MYPN: variants seen among roughly 807,000 people sequenced by gnomAD.
MYPN encodes myopalladin, also known as sarcomeric protein myopalladin, 145 kDa (MYOP).
A neutral mutation model predicts 129.4 loss-of-function variants in MYPN; 63 were observed. The ratio of observed to expected loss-of-function variants is 0.49; its 90% CI spans 0.40 to 0.60. MYPN has a LOEUF of 0.60. Ranked by LOEUF, MYPN falls within the 20% of genes least tolerant of loss-of-function variation. The pLI is 0.00. For missense variants in MYPN, 1,596 were observed against 1,635.4 expected, an observed-to-expected ratio of 0.98 and a Z score of 0.42; for synonymous variants, 629 against 600.9, an observed-to-expected ratio of 1.05 and a Z score of -0.68.
At chr10:68,143,531 G>A (rs1460040580) in intron 3 of MYPN, among the ~76,000 whole-genome samples, 2 of 152,096 alleles carry the variant, frequency 1.3e-5, no homozygotes, top group African/African-American at 4.8e-5. Context: ...TTAAGACACA[G>A]ATATGAGCCA....
At chr10:68,109,436 G>A (rs530712281), upstream of MYPN, 231 of 447,326 alleles carry the variant, frequency 5.2e-4, 1 homozygote, top group Non-Finnish European at 9.5e-4. Flanking sequence ...CAATCAGGTG[G>A]AATGTTTCAC....
rs1285010821 is a variant in MYPN at position 68,182,495 on chromosome 10, C to T, written c.2704-6410C>T. Among the ~76,000 whole-genome samples the T allele has an allele frequency of 1.3e-4, 19 of 142,306 alleles. 1 individual carries two copies. Among genetic ancestry groups the T allele is most frequent in the Non-Finnish European group, 2.4e-4 (16 of 65,844 alleles). The allele number at this position is 142,306 out of a possible 152,430, so 93.4% of individuals were successfully genotyped here. A position where few individuals can be genotyped will look rare whatever the true frequency, so the allele number is the denominator to read the frequency against. On this transcript the variant is annotated intron_variant, in intron 12 of 19. Transcript: ENST00000358913. Reference sequence around the variant, plus strand: ...ATACACACACACACACACACACACACACATATATATATATGGCATTTTTTT... The same window carrying T: ...ATACACACACACACACACACACACATACATATATATATATGGCATTTTTTT...
chr10:68,093,290 C>G lies in MYPN; in HGVS notation c.-2+5298C>G, dbSNP rs1308807025. Among the ~76,000 whole-genome samples the G allele has an allele frequency of 2.0e-5, 3 of 152,170 alleles. No homozygotes were observed. In the East Asian group the frequency reaches 5.8e-4, roughly 29 times the overall value. ...TTCATTATATTTGCTCTTAAGTATT[C>G]TAAAATGGCTTAAAATTCTTGACAA... On this transcript the variant is annotated intron_variant, in intron 1 of 6. Coordinates refer to the MYPN transcript ENST00000685154.
At chr10:68,206,544 A>T (rs1410772003) in intron 18 of MYPN, among the ~76,000 whole-genome samples, 1 of 152,132 alleles carries the variant, frequency 6.6e-6, no homozygotes, top group African/African-American at 2.4e-5. Context: ...GCGCAACTTC[A>T]GTGGACTTGC....
intron 1 of MYPN, among the ~76,000 whole-genome samples, chr10:68,090,736 A>C (rs939344809): frequency 1.3e-5 from 2 of 152,126 alleles, no homozygotes; most frequent in African/African-American, 4.8e-5. Flanking sequence ...AAACTCCATT[A>C]TGTCTCCAAG....
chr10:68,207,006 C>T (rs1425000263), intron 19 of MYPN, 103 bp downstream of exon 19: 7 of 1,458,210 alleles, frequency 4.8e-6, no homozygotes, highest in Non-Finnish European at 6.6e-6. Flanking sequence ...GCCTGTAATC[C>T]CAGCACTTTG....
chr10:68,194,493 T>C lies in MYPN; in HGVS notation c.3056T>C (p.Ile1019Thr). 2 of 1,613,788 alleles carry C rather than the reference T, an allele frequency of 1.2e-6. No individual in the cohort carries two copies. Among genetic ancestry groups the C allele is most frequent in the Non-Finnish European group, 1.7e-6 (2 of 1,179,828 alleles). ...AGTGATGACGATGGCAACTACACCA[T>C]CATGGCAGCCAACCCCCAGGTGGAG... The part of the protein sequence containing the change: ...TTSDDDGNYT[I>T]MAANPQGRIS... Residue 1019 changes from isoleucine (I) to threonine (T), a missense_variant, in exon 14 of 20, where the codon ATC becomes ACC. Ile to Thr is a moderately conservative substitution (Grantham distance 89). Coordinates refer to ENST00000358913, the MANE Select transcript of MYPN (RefSeq NM_032578.4).
chr10:68,166,642 C>T lies in MYPN; in HGVS notation c.1949C>T (p.Pro650Leu). 1 of 1,614,038 alleles carries T rather than the reference C, an allele frequency of 6.2e-7. No individual in the cohort carries two copies. ...CCTTCTTCCCCCGTGAAAGAGCCCC[C>T]TCCAGTTCTGGCCAAACCCAAACTG... ...PEPSSPVKEP[P>L]PVLAKPKLDS... is the part of the protein sequence containing the mutation. The change falls in exon 10 of 20, where the codon CCT (proline) becomes CTT (leucine). Residue 650 changes from proline (P) to leucine (L), a missense_variant. Pro to Leu is a moderately conservative substitution (Grantham distance 98). Coordinates refer to ENST00000358913, the MANE Select transcript of MYPN (RefSeq NM_032578.4).
intron 6 of MYPN, among the ~76,000 whole-genome samples, chr10:68,156,597 A>T (rs1386142847): frequency 6.6e-6 from 1 of 152,168 alleles, no homozygotes; most frequent in African/African-American, 2.4e-5. Flanking sequence ...AATGCATAAC[A>T]TCCCTGAGGT....
At chr10:68,182,818 T>C (rs1236993812) in intron 12 of MYPN, among the ~76,000 whole-genome samples, 2 of 152,116 alleles carry the variant, frequency 1.3e-5, no homozygotes, top group Non-Finnish European at 2.9e-5. Flanking sequence ...TCTAATAGTA[T>C]ATTTTTAAAA....
chr10:68,136,476 T>C lies in MYPN; in HGVS notation c.903-6464T>C, dbSNP rs2042489019. The C allele has an allele frequency of 3.4e-6, 4 of 1,183,650 alleles. No individual in the cohort carries two copies. The South Asian group carries it at 9.1e-5, about 27-fold the overall frequency. 73.3% of individuals were successfully genotyped at this position (1,183,650 alleles called of 1,614,324 possible). ...TTGAGAGTATGGTTCCCCCTGACCCTCAAAAGTCTTCAGCATAGCAGGGTA... is the reference window on the plus strand; with the variant it reads ...TTGAGAGTATGGTTCCCCCTGACCCCCAAAAGTCTTCAGCATAGCAGGGTA... On this transcript the variant is annotated intron_variant, in intron 2 of 19. Coordinates refer to ENST00000358913, the MANE Select transcript of MYPN (RefSeq NM_032578.4).
At chr10:68,157,652 G>A (rs543541882) in intron 6 of MYPN, among the ~76,000 whole-genome samples, 5 of 133,778 alleles carry the variant, frequency 3.7e-5, no homozygotes, top group Non-Finnish European at 7.9e-5. Flanking sequence ...TGGGCAACAT[G>A]GCAAAACCCT....
intron 1 of MYPN, among the ~76,000 whole-genome samples, chr10:68,113,737 GT>G (rs1044345640): frequency 1.3e-5 from 2 of 150,638 alleles, no homozygotes; most frequent in South Asian, 2.1e-4. Flanking sequence ...TAATAAATTC[GT>G]TTTTTTCAGC....
At chr10:68,164,526 C>G (rs2043025959) in intron 8 of MYPN, among the ~76,000 whole-genome samples, 2 of 152,214 alleles carry the variant, frequency 1.3e-5, no homozygotes, top group African/African-American at 2.4e-5. Context: ...TTCCTAGAAA[C>G]AGTCTAGTTA....
intron 18 of MYPN, among the ~76,000 whole-genome samples, chr10:68,206,247 T>C (rs1410904495): frequency 6.6e-6 from 1 of 152,088 alleles, no homozygotes; most frequent in East Asian, 1.9e-4. Context: ...GGGATTCCAA[T>C]ATGCAGTCAA....
chr10:68,199,551 T>C lies in MYPN; in HGVS notation c.3469T>C (p.Phe1157Leu). 1 of 1,612,894 alleles carries C rather than the reference T, an allele frequency of 6.2e-7. No homozygotes were observed. The highest frequency in any genetic ancestry group is 1.3e-5 in the African/African-American group (1 of 74,730). ...TACCAACAAAACCGGGCAGAATTCTTTTAGTCTGGAGCTCTCTGTAGTAGG... is the reference window on the plus strand; with the variant it reads ...TACCAACAAAACCGGGCAGAATTCTCTTAGTCTGGAGCTCTCTGTAGTAGG... ...IATNKTGQNS[F>L]SLELSVVAKE... Residue 1157 changes from phenylalanine to leucine, a missense_variant, in exon 17 of 20, where the codon TTT becomes CTT. Transcript: ENST00000358913.
intron 1 of MYPN, among the ~76,000 whole-genome samples, chr10:68,089,741 A>G (rs74908658): frequency 0.023 from 3,445 of 152,304 alleles, 147 homozygotes; most frequent in African/African-American, 0.079. Context: ...TCACCCAAAA[A>G]AGGATCTGTA....
intron 1 of MYPN, among the ~76,000 whole-genome samples, chr10:68,115,551 CCAT>C (rs2042145494): frequency 6.6e-6 from 1 of 152,228 alleles, no homozygotes; most frequent in South Asian, 2.1e-4. Context: ...GTCCAAGCCA[CCAT>C]CATCCCTTGT....
At chr10:68,146,119 A>AT (rs2134079619) in intron 4 of MYPN, among the ~76,000 whole-genome samples, 1 of 149,850 alleles carries the variant, frequency 6.7e-6, no homozygotes, top group Non-Finnish European at 1.5e-5. Flanking sequence ...AAACAGCAAC[A>AT]TTTAAAAAAA....
Sources: gnomAD v4.1 joint callset for allele counts (sites outside exome capture counted in the v4.1 genomes callset) on GRCh38, gnomAD v4.1.1 for gene constraint, MANE v1.5 for transcripts, NCBI Gene and HGNC (gene_info 2026-07-23, HGNC 2026-07-21) for gene names.